PIBF1: variants seen among roughly 807,000 people sequenced by gnomAD.
PIBF1 encodes progesterone immunomodulatory binding factor 1.
Under a neutral mutation model 112.5 loss-of-function variants are expected in PIBF1, and 90 were observed. That is an observed-to-expected ratio of 0.80 (90% CI 0.67 to 0.95). The LOEUF (loss-of-function observed/expected upper bound fraction) is 0.95, where lower values mean the gene tolerates loss of function less well. PIBF1 is among the 40% of genes least tolerant of loss of function. The probability of loss-of-function intolerance (pLI) is 0.00; values close to 1 mark genes in which losing one functional copy is unlikely to be tolerated. For missense variants in PIBF1, 915 were observed against 852.3 expected (o/e 1.07, Z -0.92); for synonymous variants, 301 against 288.6 (o/e 1.04, Z -0.44).
intron 10 of PIBF1, among the ~76,000 whole-genome samples, chr13:72,869,625 T>TA (rs1491580429): frequency 8.5e-6 from 1 of 118,216 alleles, no homozygotes; most frequent in Non-Finnish European, 2.0e-5. Context: ...ATAATAATAA[T>TA]AAAAAATAAA....
At chr13:72,996,640 T>C (rs1044582879) in intron 16 of PIBF1, among the ~76,000 whole-genome samples, 1 of 151,906 alleles carries the variant, frequency 6.6e-6, no homozygotes, top group Non-Finnish European at 1.5e-5. Flanking sequence ...ATTTAAAAAT[T>C]AGCTGGGTGT....
intron 2 of PIBF1, among the ~76,000 whole-genome samples, chr13:72,788,009 G>T (rs947958631): frequency 6.6e-6 from 1 of 152,122 alleles, no homozygotes; most frequent in African/African-American, 2.4e-5. Flanking sequence ...TGAAAGAAAG[G>T]TATTTTTAAT....
intron 10 of PIBF1, among the ~76,000 whole-genome samples, chr13:72,867,778 C>T (rs757579377): frequency 3.4e-4 from 52 of 152,240 alleles, no homozygotes; most frequent in Admixed American, 6.5e-4. Context: ...TGGAAAGTGT[C>T]GGTATTTTTT....
At chr13:72,858,017 T>C (rs2038507677) in intron 10 of PIBF1, among the ~76,000 whole-genome samples, 1 of 42,050 alleles carries the variant, frequency 2.4e-5, no homozygotes, top group Non-Finnish European at 4.3e-5. Context: ...GAAGTACAAA[T>C]GTACATTGTG....
chr13:72,899,470 A>G (rs1459956443), intron 11 of PIBF1, among the ~76,000 whole-genome samples: 1 of 152,240 alleles, frequency 6.6e-6, no homozygotes, highest in African/African-American at 2.4e-5. Flanking sequence ...GGTTTAACGT[A>G]TGCAAGTCAA....
intron 10 of PIBF1, among the ~76,000 whole-genome samples, chr13:72,873,184 A>G (rs1464816954): frequency 1.3e-5 from 2 of 152,176 alleles, no homozygotes; most frequent in African/African-American, 4.8e-5. Context: ...CAGTGAGGAA[A>G]TGATAATCTT....
chr13:72,944,806 G>A (rs910143741), intron 14 of PIBF1, among the ~76,000 whole-genome samples: 1 of 152,016 alleles, frequency 6.6e-6, no homozygotes, highest in Non-Finnish European at 1.5e-5. Flanking sequence ...TTACTCTCTT[G>A]CCCAGGCTGG....
At chr13:72,816,921 T>G (rs1459629333) in intron 5 of PIBF1, among the ~76,000 whole-genome samples, 2 of 152,180 alleles carry the variant, frequency 1.3e-5, no homozygotes, top group Non-Finnish European at 2.9e-5. Context: ...CAGACTTCAT[T>G]GTGGCTTATA....
At chr13:72,806,799 C>A (rs1167546141) in intron 5 of PIBF1, among the ~76,000 whole-genome samples, 4 of 152,066 alleles carry the variant, frequency 2.6e-5, no homozygotes, top group Non-Finnish European at 2.9e-5. Flanking sequence ...CAAGTCTTTG[C>A]TATTGTGAAC....
intron 10 of PIBF1, among the ~76,000 whole-genome samples, chr13:72,856,947 G>A (rs1259153086): frequency 6.6e-6 from 1 of 152,082 alleles, no homozygotes; most frequent in African/African-American, 2.4e-5. Flanking sequence ...TATAGTTACA[G>A]TTTTTACGTT....
intron 5 of PIBF1, among the ~76,000 whole-genome samples, chr13:72,821,099 G>A (rs2036537553): frequency 6.6e-6 from 1 of 152,176 alleles, no homozygotes; most frequent in Admixed American, 6.6e-5. Context: ...TATTCAGGCA[G>A]TGGGAACAGG....
intron 13 of PIBF1, among the ~76,000 whole-genome samples, chr13:72,930,169 T>C (rs1178760703): frequency 6.6e-6 from 1 of 152,194 alleles, no homozygotes; most frequent in Non-Finnish European, 1.5e-5. Context: ...CTTAACATTA[T>C]TTTTTAGAAT....
Position 72,965,356 on chromosome 13 carries a change from A to T in PIBF1, c.1916A>T (p.Lys639Met). The change falls in exon 15 of 18, where the codon AAG (lysine) becomes ATG (methionine). Residue 639 changes from lysine to methionine, a missense_variant. Lys to Met is a moderately conservative substitution (Grantham distance 95, BLOSUM62 -1). Transcript: ENST00000326291. ...LIESVRQRDS[K>M]IDSLTESIAQ... is the part of the protein sequence containing the mutation. ...GAATCAGTGCGTCAGAGAGATTCTAAGATTGATTCACTGACGGAATCTATT... is the reference window on the plus strand; with the variant it reads ...GAATCAGTGCGTCAGAGAGATTCTATGATTGATTCACTGACGGAATCTATT... 1 of 1,610,082 alleles carries T rather than the reference A, an allele frequency of 6.2e-7. No individual in the cohort carries two copies. Among genetic ancestry groups the T allele is most frequent in the Non-Finnish European group, 8.5e-7 (1 of 1,176,946 alleles).
At chr13:72,938,381 C>G (rs568513670) in intron 14 of PIBF1, among the ~76,000 whole-genome samples, 83 of 152,160 alleles carry the variant, frequency 5.5e-4, no homozygotes, top group African/African-American at 1.9e-3. Context: ...CTCAGTCCCC[C>G]ACAAGCAATA....
intron 14 of PIBF1, among the ~76,000 whole-genome samples, chr13:72,961,470 A>G (rs551799831): frequency 2.4e-4 from 37 of 152,360 alleles, no homozygotes; most frequent in Admixed American, 5.2e-4. Flanking sequence ...GGAAAAAAAT[A>G]CAAATCATTT....
chr13:72,791,100 G>C (rs1354338549), intron 2 of PIBF1, among the ~76,000 whole-genome samples: 1 of 152,120 alleles, frequency 6.6e-6, no homozygotes, highest in African/African-American at 2.4e-5. Flanking sequence ...TGTCGCCCAG[G>C]CTGGAGTGCA....
At chr13:72,937,340 A>G (rs1248462799) in intron 14 of PIBF1, among the ~76,000 whole-genome samples, 1 of 152,072 alleles carries the variant, frequency 6.6e-6, no homozygotes, top group Non-Finnish European at 1.5e-5. Context: ...GATTTAGATT[A>G]TAGTGTATAT....
At chr13:72,918,383 A>ATTTT (rs60024983) in intron 13 of PIBF1, among the ~76,000 whole-genome samples, 1 of 102,958 alleles carries the variant, frequency 9.7e-6, no homozygotes. Context: ...GCAACTACCT[A>ATTTT]TTTTTTTTTT....
At chr13:72,792,949 T>G (rs1418335649) in intron 3 of PIBF1, among the ~76,000 whole-genome samples, 1 of 152,208 alleles carries the variant, frequency 6.6e-6, no homozygotes, top group Admixed American at 6.5e-5. Context: ...AATATGCCTA[T>G]GGCAATTATA....
Sources: allele counts gnomAD v4.1 joint callset (sites outside exome capture counted in the v4.1 genomes callset), GRCh38; gene constraint gnomAD v4.1.1; transcripts MANE v1.5; gene names NCBI Gene and HGNC (gene_info 2026-07-23, HGNC 2026-07-21).